EXOC4: variants seen among roughly 807,000 people sequenced by gnomAD.
EXOC4 encodes the protein exocyst complex component 4, also known as SEC8-like 1.
In EXOC4, 71 loss-of-function variants were observed where a neutral mutation model predicts 107.2. The observed-to-expected ratio is 0.66, with a 90% confidence interval of 0.55 to 0.81. EXOC4 has a LOEUF of 0.81. Among genes scored for constraint, EXOC4 ranks in the 30% least tolerant of loss-of-function variants. The pLI, the probability that EXOC4 is intolerant of heterozygous loss-of-function variation, is 0.00. For synonymous variants in EXOC4, 456 were observed against 441.2 expected (o/e 1.03, Z -0.42); for missense variants, 1,108 against 1,189.6 (o/e 0.93, Z 1.01).
At chr7:133,478,300 T>C (rs1799068179) in intron 8 of EXOC4, among the ~76,000 whole-genome samples, 1 of 148,512 alleles carries the variant, frequency 6.7e-6, no homozygotes, top group African/African-American at 2.6e-5. Flanking sequence ...GCTTCTGAAG[T>C]TGTGGTATTG....
At chr7:133,327,964 A>G (rs1210656189) in intron 5 of EXOC4, among the ~76,000 whole-genome samples, 2 of 152,178 alleles carry the variant, frequency 1.3e-5, no homozygotes, top group Non-Finnish European at 2.9e-5. Flanking sequence ...TGCTTGTTCC[A>G]GAGCTGAGTT....
At chr7:133,689,910 T>G (rs550224023) in intron 10 of EXOC4, among the ~76,000 whole-genome samples, 51 of 152,304 alleles carry the variant, frequency 3.3e-4, no homozygotes, top group African/African-American at 1.2e-3. Context: ...GTAGAATGAG[T>G]GTTTTGATGA....
intron 9 of EXOC4, among the ~76,000 whole-genome samples, chr7:133,569,607 GAT>G (rs1800976289): frequency 6.6e-6 from 1 of 152,182 alleles, no homozygotes; most frequent in African/African-American, 2.4e-5. Flanking sequence ...ATTGAGGAAA[GAT>G]GTGTGGATTA....
chr7:133,556,134 A>G (rs1022108648), intron 9 of EXOC4, among the ~76,000 whole-genome samples: 3 of 152,190 alleles, frequency 2.0e-5, no homozygotes, highest in African/African-American at 7.2e-5. Flanking sequence ...CAGACGTCCT[A>G]GCTCTCTAAT....
At chr7:133,264,559 T>G (rs989062082) in intron 1 of EXOC4, among the ~76,000 whole-genome samples, 1 of 152,158 alleles carries the variant, frequency 6.6e-6, no homozygotes, top group Non-Finnish European at 1.5e-5. Context: ...AAAATGCGAT[T>G]TAAAAGTGTA....
chr7:133,597,291 C>T (rs181244806), intron 9 of EXOC4, among the ~76,000 whole-genome samples: 50 of 152,258 alleles, frequency 3.3e-4, no homozygotes, highest in African/African-American at 1.1e-3. Flanking sequence ...TGGTGTCTCA[C>T]GCCTGTAATC....
At chr7:133,907,365 T>C (rs1378012581) in intron 12 of EXOC4, among the ~76,000 whole-genome samples, 1 of 125,088 alleles carries the variant, frequency 8.0e-6, no homozygotes, top group East Asian at 2.3e-4. Context: ...TTGGTTTAAC[T>C]GTCTTTCTTT....
chr7:133,735,292 A>G (rs1795421469), intron 10 of EXOC4, among the ~76,000 whole-genome samples: 1 of 147,552 alleles, frequency 6.8e-6, no homozygotes, highest in Admixed American at 6.8e-5. Flanking sequence ...TTTAGACTTA[A>G]TGTACATGTT....
chr7:133,811,424 C>T (rs552991975), intron 10 of EXOC4, among the ~76,000 whole-genome samples: 3 of 152,296 alleles, frequency 2.0e-5, no homozygotes, highest in Admixed American at 6.5e-5. Flanking sequence ...TCCCATTCAA[C>T]AGATCATTTT....
At chr7:133,821,284 A>G (rs1179655657) in intron 11 of EXOC4, among the ~76,000 whole-genome samples, 1 of 152,186 alleles carries the variant, frequency 6.6e-6, no homozygotes, top group Non-Finnish European at 1.5e-5. Flanking sequence ...CTGAGAAACA[A>G]TGAAATTAAA....
At position 133,389,595 on chromosome 7, in the gene EXOC4, A is replaced by AAAG. The variant is rs35982893; in HGVS notation, c.1182+14593_1182+14594insAAG. Among the ~76,000 whole-genome samples, 6 of 95,336 alleles carry AAAG rather than the reference A, an allele frequency of 6.3e-5. 1 individual carries two copies. In the East Asian group the frequency reaches 1.0e-3, roughly 16 times the overall value. The allele number at this position is 95,336 out of a possible 152,430, so 62.5% of individuals were successfully genotyped here. The stretch of plus-strand genomic sequence containing the variant: ...CAAAAAAAAAAAAAAAAAAAAAAAA[A>AAAG]GAGAGTCTTAAGTCAGGTTGAAGTT... On this transcript the variant is annotated intron_variant, in intron 7 of 17. Coordinates refer to ENST00000253861, the MANE Select transcript of EXOC4 (RefSeq NM_021807.4).
chr7:133,444,731 T>C (rs1474620446), intron 7 of EXOC4, among the ~76,000 whole-genome samples: 1 of 151,868 alleles, frequency 6.6e-6, no homozygotes, highest in African/African-American at 2.4e-5. Flanking sequence ...GAGAAGAAAA[T>C]TGGGTCTTGT....
At chr7:133,925,353 C>T (rs866325844) in intron 13 of EXOC4, among the ~76,000 whole-genome samples, 1 of 152,130 alleles carries the variant, frequency 6.6e-6, no homozygotes, top group African/African-American at 2.4e-5. Flanking sequence ...TAGCAAATAT[C>T]CTTTTATTCC....
intron 9 of EXOC4, among the ~76,000 whole-genome samples, chr7:133,608,546 C>CTTTTTTTTTTTTTTTTT (rs1161155238): frequency 1.2e-5 from 1 of 85,026 alleles, no homozygotes; most frequent in Admixed American, 1.4e-4. Context: ...TGCTGTATTT[C>CTTTTTTTTTTTTTTTTT]TTTTTTTTTT....
rs535878897 is a variant in EXOC4, at chr7:133,910,118, C to T, written c.1872-7465C>T. Among the ~76,000 whole-genome samples the T allele has an allele frequency of 5.3e-5, 8 of 152,094 alleles. No homozygotes were observed. In the South Asian group the frequency reaches 1.2e-3, roughly 24 times the overall value. ...TGTATTTTTAGTAGAGACAGGGTTT[C>T]GCCATGTTGGCCAGGCTGGTCTCAA... On this transcript the variant is annotated intron_variant, in intron 12 of 17. Transcript: ENST00000253861.
chr7:133,443,565 C>T (rs971931629), intron 7 of EXOC4, among the ~76,000 whole-genome samples: 1 of 152,074 alleles, frequency 6.6e-6, no homozygotes, highest in Admixed American at 6.6e-5. Flanking sequence ...GGTGTAGAAT[C>T]CAGCAGATGC....
At chr7:133,916,377 A>G (rs189288241) in intron 12 of EXOC4, among the ~76,000 whole-genome samples, 29 of 152,288 alleles carry the variant, frequency 1.9e-4, no homozygotes, top group African/African-American at 6.7e-4. Context: ...CTGCCCTACA[A>G]CATGAAACTA....
chr7:133,283,917 G>A (rs1330428108), intron 2 of EXOC4, among the ~76,000 whole-genome samples: 1 of 151,648 alleles, frequency 6.6e-6, no homozygotes, highest in Non-Finnish European at 1.5e-5. Context: ...CTTCCTTTTT[G>A]TGGCTGACTG....
rs531641231 is a variant in EXOC4, at chr7:133,790,244, A to T, written c.1515-27081A>T. 3.3e-5 allele frequency among the ~76,000 whole-genome samples: 5 copies of T among 152,362 alleles called. No homozygotes were observed. In the South Asian group the frequency reaches 8.3e-4, roughly 25 times the overall value. On this transcript the variant is annotated intron_variant, in intron 10 of 17. Coordinates refer to ENST00000253861, the MANE Select transcript of EXOC4 (RefSeq NM_021807.4). Reference sequence around the variant, plus strand: ...AGCGATAGAGCATGCAATAGGATGTAGATGGGAAAGGAATCTGATGAATTG... The same window carrying T: ...AGCGATAGAGCATGCAATAGGATGTTGATGGGAAAGGAATCTGATGAATTG...
Sources: gnomAD v4.1 joint callset for allele counts (sites outside exome capture counted in the v4.1 genomes callset) on GRCh38, gnomAD v4.1.1 for gene constraint, MANE v1.5 for transcripts, NCBI Gene and HGNC (gene_info 2026-07-23, HGNC 2026-07-21) for gene names.